ADA: variants seen among roughly 807,000 people sequenced by gnomAD.
The protein encoded by ADA is adenosine deaminase.
In ADA, 45 loss-of-function variants were observed where a neutral mutation model predicts 49.0. That is an observed-to-expected ratio of 0.92 (90% CI 0.72 to 1.18). The LOEUF (loss-of-function observed/expected upper bound fraction) is 1.18, where lower values mean the gene tolerates loss of function less well. Ranked by LOEUF, ADA falls within the 50% of genes most tolerant of loss-of-function variation. The probability of loss-of-function intolerance (pLI) is 0.00; values close to 1 mark genes in which losing one functional copy is unlikely to be tolerated. For synonymous variants in ADA, 173 were observed against 184.2 expected (o/e 0.94, Z 0.49); for missense variants, 445 against 472.5 (o/e 0.94, Z 0.54).
At chr20:44,639,479 C>T (rs1363938293) in intron 1 of ADA, among the ~76,000 whole-genome samples, 1 of 152,140 alleles carries the variant, frequency 6.6e-6, no homozygotes, top group Non-Finnish European at 1.5e-5. Flanking sequence ...GTGGCTCCAG[C>T]TCAGCTCACG....
chr20:44,620,468 G>A, intron 10 of ADA, 67 bp from the exon 11 acceptor site: 1 of 1,320,222 alleles, frequency 7.6e-7, no homozygotes, highest in Non-Finnish European at 1.1e-6. Flanking sequence ...TAGCAATGTA[G>A]TGATAGTCCA....
rs1600915040 is a variant in ADA at position 44,620,224 on chromosome 20, T to C, written c.1078+75A>G. On this transcript the variant is annotated intron_variant, in intron 11 of 11. Transcript: ENST00000372874. ...CGCTGCCCAAGAATGGAAGGGCATC[T>C]TGCTAGAAGTCCCACAGAAAGCCAC... The C allele has an allele frequency of 6.2e-6, 8 of 1,293,438 alleles. No individual in the cohort carries two copies. The East Asian group carries it at 9.2e-5, about 15-fold the overall frequency. The allele number at this position is 1,293,438 out of a possible 1,614,324, so 80.1% of individuals were successfully genotyped here.
intron 6 of ADA, 152 bp downstream of exon 6, chr20:44,624,050 G>C: frequency 1.8e-6 from 2 of 1,132,536 alleles, no homozygotes; most frequent in Non-Finnish European, 2.5e-6. Flanking sequence ...CTGGCCCAGG[G>C]GGATTCCAGT....
intron 6 of ADA, among the ~76,000 whole-genome samples, chr20:44,623,545 A>G (rs1377064146): frequency 6.6e-6 from 1 of 152,182 alleles, no homozygotes; most frequent in African/African-American, 2.4e-5. Context: ...GAAGAAACAG[A>G]GGCCCAGAGA....
At chr20:44,623,751 CTTTTT>C (rs34833873) in intron 6 of ADA, among the ~76,000 whole-genome samples, 2 of 132,956 alleles carry the variant, frequency 1.5e-5, no homozygotes, top group African/African-American at 5.8e-5. Flanking sequence ...TTCTTTCTTC[CTTTTT>C]TTTTTTTTTG....
At chr20:44,628,147 C>G (rs2065399708) in intron 3 of ADA, among the ~76,000 whole-genome samples, 2 of 152,206 alleles carry the variant, frequency 1.3e-5, no homozygotes, top group South Asian at 4.1e-4. Flanking sequence ...CTGGGAGAGC[C>G]CAGCGTGGGA....
intron 1 of ADA, 100 bp from the exon 2 acceptor site, chr20:44,636,388 A>T (rs1318787456): frequency 2.2e-5 from 23 of 1,044,060 alleles, no homozygotes; most frequent in Non-Finnish European, 3.0e-5. Context: ...AACATTAATC[A>T]TGATAACCAT....
intron 1 of ADA, among the ~76,000 whole-genome samples, chr20:44,647,237 C>T (rs898203071): frequency 2.6e-5 from 4 of 151,926 alleles, no homozygotes; most frequent in African/African-American, 7.3e-5. Flanking sequence ...GAGTTCGAGA[C>T]CAGCCTGGCC....
At position 44,645,662 on chromosome 20, in the gene ADA, C is replaced by T. The variant is rs1156421997; in HGVS notation, c.33+5913G>A. On this transcript the variant is annotated intron_variant, in intron 1 of 11. Transcript: ENST00000372874. ...ACCATTACCAACCATGATGATGATG[C>T]TGACCAATGGCAGCTATTGCTGCAG... Among the ~76,000 whole-genome samples the T allele has an allele frequency of 6.6e-5, 10 of 152,312 alleles. No homozygotes were observed. In the South Asian group the frequency reaches 1.2e-3, roughly 19 times the overall value.
At chr20:44,637,932 G>C (rs1161968303) in intron 1 of ADA, among the ~76,000 whole-genome samples, 1 of 152,208 alleles carries the variant, frequency 6.6e-6, no homozygotes, top group Non-Finnish European at 1.5e-5. Context: ...TGGGAATACT[G>C]AAGCTTATAG....
intron 4 of ADA, 76 bp from the exon 5 acceptor site, chr20:44,625,760 G>C: frequency 8.2e-7 from 1 of 1,223,820 alleles, no homozygotes; most frequent in Non-Finnish European, 1.2e-6. Context: ...CTGGGACAGA[G>C]GAGGAAGAGG....
chr20:44,645,789 CTCAT>C (rs1367689370), intron 1 of ADA, among the ~76,000 whole-genome samples: 2 of 152,148 alleles, frequency 1.3e-5, no homozygotes, highest in East Asian at 1.9e-4. Context: ...AGTTAAATGA[CTCAT>C]TCAAGCTCCT....
chr20:44,626,697 C>T (rs1957682080), intron 3 of ADA, 98 bp from the exon 4 acceptor site: 1 of 1,469,064 alleles, frequency 6.8e-7, no homozygotes, highest in Non-Finnish European at 9.4e-7. Context: ...ATTAAACCCA[C>T]TTCATCCCCC....
At chr20:44,627,072 C>G (rs1335458599) in intron 3 of ADA, among the ~76,000 whole-genome samples, 1 of 152,054 alleles carries the variant, frequency 6.6e-6, no homozygotes, top group Non-Finnish European at 1.5e-5. Context: ...CCGGAGAAGA[C>G]ACAGGCCTGC....
intron 2 of ADA, among the ~76,000 whole-genome samples, chr20:44,634,399 C>T (rs1568850214): frequency 6.6e-6 from 1 of 152,226 alleles, no homozygotes. Context: ...ACGGGCGTCA[C>T]TTACCAAAAC....
chr20:44,620,628 C>A (rs1013023450), intron 10 of ADA: 4 of 610,052 alleles, frequency 6.6e-6, no homozygotes, highest in African/African-American at 3.7e-5. Context: ...GTTGGAGAAA[C>A]CTTTGAGAGA....
chr20:44,633,585 G>C (rs1297139363), intron 2 of ADA, among the ~76,000 whole-genome samples: 1 of 152,196 alleles, frequency 6.6e-6, no homozygotes, highest in African/African-American at 2.4e-5. Context: ...CTACAGCACT[G>C]CAGGGCCCGT....
At position 44,622,793 on chromosome 20, in the gene ADA, C is replaced by T. The variant is rs6031679; in HGVS notation, c.780+36G>A. ...TCTCTATACAGGAAGTTGGGACAGC[C>T]GGGGATGGTTCCTCCCCACTCCCTG... On this transcript the variant is annotated intron_variant, in intron 8 of 11. Coordinates refer to ENST00000372874, the MANE Select transcript of ADA (RefSeq NM_000022.4). 136,907 of 1,614,056 alleles carry T rather than the reference C, an allele frequency of 0.085. 6,293 individuals are homozygous for T. Among genetic ancestry groups the T allele is most frequent in the South Asian group, 0.16 (14,779 of 91,064 alleles).
chr20:44,650,020 C>A (rs1276529733), intron 1 of ADA, among the ~76,000 whole-genome samples: 1 of 152,214 alleles, frequency 6.6e-6, no homozygotes, highest in Non-Finnish European at 1.5e-5. Flanking sequence ...TAGGCGTGAG[C>A]CACTGCACCC....
Sources: allele counts gnomAD v4.1 joint callset (sites outside exome capture counted in the v4.1 genomes callset), GRCh38; gene constraint gnomAD v4.1.1; transcripts MANE v1.5; gene names NCBI Gene and HGNC (gene_info 2026-07-23, HGNC 2026-07-21).